Variants in LPIN2 observed in about 807,000 individuals in gnomAD.
LPIN2 encodes the protein lipin 2, also known as phosphatidate phosphatase LPIN2.
In LPIN2, 55 loss-of-function variants were observed where a neutral mutation model predicts 111.4. The ratio of observed to expected loss-of-function variants is 0.49; its 90% confidence interval spans 0.40 to 0.62. LPIN2 has a LOEUF of 0.62. Among genes scored for constraint, LPIN2 ranks in the 20% least tolerant of loss-of-function variants. The pLI is 0.00. For missense variants in LPIN2, 992 were observed against 1,112.1 expected, an observed-to-expected ratio of 0.89 and a Z score of 1.54; for synonymous variants, 425 against 414.0, an observed-to-expected ratio of 1.03 and a Z score of -0.32.
intron 1 of LPIN2, among the ~76,000 whole-genome samples, chr18:2,984,712 A>T (rs2078162716): frequency 6.6e-6 from 1 of 152,168 alleles, no homozygotes. Context: ...AACCATATCC[A>T]CTTTAAATGT....
Position 2,922,090 on chromosome 18 carries a change from G to A in LPIN2, c.2284C>T (p.Pro762Ser). The A allele has an allele frequency of 2.5e-6, 4 of 1,613,906 alleles. No individual in the cohort carries two copies. Among genetic ancestry groups the A allele is most frequent in the Non-Finnish European group, 3.4e-6 (4 of 1,179,952 alleles). ...AAGCTGCTGGGGGACAGCATCAGGG[G>A]GCCCCGGGGCAAGATTGTGCCCTTG... ...NDKGTILPRG[P>S]LMLSPSSLFS... The change falls in exon 17 of 20, where the codon CCC becomes TCC. Residue 762 changes from proline to serine, a missense_variant. Transcript: ENST00000677752.
intron 1 of LPIN2, among the ~76,000 whole-genome samples, chr18:2,992,455 A>C (rs1460937757): frequency 6.6e-6 from 1 of 152,222 alleles, no homozygotes; most frequent in East Asian, 1.9e-4. Context: ...GAGTCATGAA[A>C]AATTTTGGAA....
chr18:2,930,583 G>C (rs1251172281), intron 9 of LPIN2, among the ~76,000 whole-genome samples: 1 of 152,162 alleles, frequency 6.6e-6, no homozygotes, highest in African/African-American at 2.4e-5. Flanking sequence ...TTTTCCCTTA[G>C]AAGAAAATCA....
intron 4 of LPIN2, chr18:2,945,857 T>G (rs1350135517): frequency 6.8e-7 from 1 of 1,474,918 alleles, no homozygotes. Flanking sequence ...CATGTCTACA[T>G]GGAACAACTT....
intron 1 of LPIN2, among the ~76,000 whole-genome samples, chr18:2,965,057 G>A (rs1473589947): frequency 6.6e-6 from 1 of 152,014 alleles, no homozygotes; most frequent in Non-Finnish European, 1.5e-5. Context: ...GTGCTGTTTA[G>A]GCCTAGGTAC....
chr18:2,958,166 A>AAAAAAAAAAAAAAAAAAAAAC (rs1568571302), intron 2 of LPIN2, among the ~76,000 whole-genome samples: 2 of 146,004 alleles, frequency 1.4e-5, no homozygotes, highest in East Asian at 4.2e-4. Flanking sequence ...AACAACAAAA[A>AAAAAAAAAAAAAAAAAAAAAC]AAAAAAACAG....
intron 8 of LPIN2, among the ~76,000 whole-genome samples, chr18:2,934,037 T>C (rs1033024810): frequency 2.6e-5 from 4 of 152,166 alleles, no homozygotes; most frequent in African/African-American, 7.2e-5. Flanking sequence ...TGCTAAAAAA[T>C]TTTCCCAAGC....
intron 7 of LPIN2, among the ~76,000 whole-genome samples, chr18:2,935,416 A>G (rs2077272031): frequency 1.3e-5 from 2 of 152,330 alleles, no homozygotes; most frequent in Middle Eastern, 3.4e-3. Context: ...ACAAATCCAG[A>G]ACGTGAGAGA....
intron 1 of LPIN2, among the ~76,000 whole-genome samples, chr18:2,980,923 A>C (rs1234863833): frequency 1.3e-5 from 2 of 152,228 alleles, no homozygotes; most frequent in East Asian, 3.8e-4. Context: ...TGGCCAGTAG[A>C]TTATTCTGGG....
At chr18:2,938,104 G>A in intron 6 of LPIN2, 67 bp from the exon 7 acceptor site, 1 of 1,213,894 alleles carries the variant, frequency 8.2e-7, no homozygotes, top group Admixed American at 1.8e-5. Context: ...TATTTCCTAA[G>A]CTGGCAATGT....
Position 2,920,808 on chromosome 18 carries a change from A to C in LPIN2, c.2516T>G (p.Ile839Arg). 6.2e-7 allele frequency: 1 copy of C among 1,614,150 alleles called. No individual in the cohort carries two copies. Among genetic ancestry groups the C allele is most frequent in the Non-Finnish European group, 8.5e-7 (1 of 1,179,984 alleles). Residue 839 changes from isoleucine (I) to arginine (R), a missense_variant, in exon 19 of 20, where the codon ATA becomes AGA. By Grantham distance (97) the Ile-to-Arg change is moderately conservative. This residue lies in a region of LPIN2 where 185 missense variants were observed against 186.5 expected (regional missense o/e 0.99). Transcript: ENST00000677752. ...CTTGTTTCCTTTGGTTCTTTCTTGT[A>C]TTAATTCACCCTTGGGGTTCACGGT... ...IFTVNPKGELIQERTKGNKSS... is the reference protein window; with the variant it reads ...IFTVNPKGELRQERTKGNKSS...
At chr18:2,930,267 C>T (rs2077195277) in intron 9 of LPIN2, among the ~76,000 whole-genome samples, 1 of 152,236 alleles carries the variant, frequency 6.6e-6, no homozygotes, top group Non-Finnish European at 1.5e-5. Context: ...TTGTATTTCG[C>T]ATTCCCTCGC....
chr18:2,989,608 G>T (rs2078234396), intron 1 of LPIN2, among the ~76,000 whole-genome samples: 1 of 23,132 alleles, frequency 4.3e-5, no homozygotes, highest in Non-Finnish European at 1.5e-4. Flanking sequence ...TCCATTTCTT[G>T]ATTTCAAAAC....
intron 1 of LPIN2, among the ~76,000 whole-genome samples, chr18:2,989,465 C>T (rs905833199): frequency 2.6e-5 from 4 of 152,048 alleles, no homozygotes; most frequent in Non-Finnish European, 5.9e-5. Context: ...TGTTAAGATG[C>T]CAATATTACC....
intron 15 of LPIN2, 124 bp downstream of exon 15, chr18:2,924,274 T>C (rs2077098837): frequency 1.3e-5 from 16 of 1,213,954 alleles, no homozygotes; most frequent in Non-Finnish European, 1.8e-5. Context: ...TCAGAGCATA[T>C]GGCTTATAAA....
rs1177289426 is a variant in LPIN2 at position 2,917,955 on chromosome 18, C to T, written c.*2338G>A. On this transcript the variant is annotated 3_prime_UTR_variant, in exon 20 of 20. Coordinates refer to ENST00000677752, the MANE Select transcript of LPIN2 (RefSeq NM_001375808.2). ...CTAAGGGTTTGTGTACAAACACACTCGAGGGCATCTCTTTCACAGAAAGAA... is the reference window on the plus strand; with the variant it reads ...CTAAGGGTTTGTGTACAAACACACTTGAGGGCATCTCTTTCACAGAAAGAA... The T allele has an allele frequency of 2.0e-5, 3 of 152,148 alleles. No homozygotes were observed. Among genetic ancestry groups the T allele is most frequent in the Non-Finnish European group, 1.5e-5 (1 of 68,032 alleles). The allele number at this position is 152,148 out of a possible 1,614,324, so 9.4% of individuals were successfully genotyped here.
At chr18:3,007,687 C>T (rs1401623265) in intron 1 of LPIN2, among the ~76,000 whole-genome samples, 8 of 152,286 alleles carry the variant, frequency 5.3e-5, no homozygotes, top group African/African-American at 1.2e-4. Context: ...ACAAACACCA[C>T]AAGTTTATAG....
Position 2,919,993 on chromosome 18 carries a change from A to C in LPIN2, c.*300T>G. The C allele has an allele frequency of 2.1e-6, 1 of 484,594 alleles. No individual in the cohort carries two copies. Among genetic ancestry groups the C allele is most frequent in the South Asian group, 2.1e-5 (1 of 47,206 alleles). The allele number at this position is 484,594 out of a possible 1,614,324, so 30.0% of individuals were successfully genotyped here. Reference sequence around the variant, plus strand: ...TTTAGCTGCTTTTTTCTTCCTTTAAAATGATGCAATGGAAGGAGGCCCCAG... The same window carrying C: ...TTTAGCTGCTTTTTTCTTCCTTTAACATGATGCAATGGAAGGAGGCCCCAG... On this transcript the variant is annotated 3_prime_UTR_variant, in exon 20 of 20. Transcript: ENST00000677752.
chr18:2,982,688 T>C (rs984425883), intron 1 of LPIN2: 1 of 1,302,500 alleles, frequency 7.7e-7, no homozygotes, highest in East Asian at 5.6e-5. Flanking sequence ...GGAGGGGACT[T>C]GTCATGGTAA....
Sources: gnomAD v4.1 joint callset for allele counts (sites outside exome capture counted in the v4.1 genomes callset) on GRCh38, gnomAD v4.1.1 for gene constraint, gnomAD v4.1.1 regional missense constraint, MANE v1.5 for transcripts, NCBI Gene and HGNC (gene_info 2026-07-23, HGNC 2026-07-21) for gene names.